Variants in EPHA8 observed in about 807,000 individuals in gnomAD.
The protein encoded by EPHA8 is EPH receptor A8.
EPHA8 carries 58 observed loss-of-function variants against 103.6 expected under a neutral mutation model. The ratio of observed to expected loss-of-function variants is 0.56; its 90% confidence interval spans 0.45 to 0.70. The LOEUF is 0.70. Among genes scored for constraint, EPHA8 ranks in the 30% least tolerant of loss-of-function variants. The pLI is 0.00. For synonymous variants in EPHA8, 559 were observed against 572.5 expected (o/e 0.98, Z 0.34); for missense variants, 1,304 against 1,395.2 (o/e 0.93, Z 1.04).
At chr1:22,572,946 C>G (rs1229262122) in intron 2 of EPHA8, among the ~76,000 whole-genome samples, 1 of 152,210 alleles carries the variant, frequency 6.6e-6, no homozygotes, top group African/African-American at 2.4e-5. Context: ...AGACCATTGG[C>G]CCCGGTGGGG....
chr1:22,570,806 G>T (rs995765953), intron 2 of EPHA8, among the ~76,000 whole-genome samples: 1 of 152,278 alleles, frequency 6.6e-6, no homozygotes, highest in Admixed American at 6.5e-5. Flanking sequence ...GAGCGCGGAC[G>T]CCAGGTTCTT....
intron 13 of EPHA8, among the ~76,000 whole-genome samples, chr1:22,600,140 A>AG (rs369545246): frequency 2.4e-5 from 2 of 82,848 alleles, no homozygotes; most frequent in Admixed American, 1.4e-4. Context: ...AGAAGGAAGG[A>AG]GGAGGGAGGG....
In EPHA8 at chr1:22,602,734, CT is replaced by C. The variant is rs1641774472; in HGVS notation, c.*994del. ...GCCTAGGATCAGGGACCAGAGGATCCTATCTTCTCAGCACCCAGCCCACCCC... is the reference window on the plus strand; with the variant it reads ...GCCTAGGATCAGGGACCAGAGGATCCATCTTCTCAGCACCCAGCCCACCCC... On this transcript the variant is annotated 3_prime_UTR_variant, in exon 17 of 17. Coordinates refer to ENST00000166244, the MANE Select transcript of EPHA8 (RefSeq NM_020526.5). The C allele has an allele frequency of 6.5e-6, 1 of 152,744 alleles. No homozygotes were observed. Among genetic ancestry groups the C allele is most frequent in the Non-Finnish European group, 1.5e-5 (1 of 68,170 alleles). The allele number at this position is 152,744 out of a possible 1,614,324, so 9.5% of individuals were successfully genotyped here.
chr1:22,592,018 A>C (rs1641385772), intron 5 of EPHA8, among the ~76,000 whole-genome samples: 1 of 152,174 alleles, frequency 6.6e-6, no homozygotes, highest in African/African-American at 2.4e-5. Flanking sequence ...TGGGCACTGC[A>C]GAGTTCCCGG....
At chr1:22,591,941 C>T (rs1641383266) in intron 5 of EPHA8, among the ~76,000 whole-genome samples, 1 of 152,182 alleles carries the variant, frequency 6.6e-6, no homozygotes, top group South Asian at 2.1e-4. Context: ...CCAAAAGAAC[C>T]CCCATTCTCC....
rs115328469 is a variant in EPHA8, at chr1:22,581,350, A to G, written c.823+4470A>G. On this transcript the variant is annotated intron_variant, in intron 3 of 16. Transcript: ENST00000166244. Reference sequence around the variant, plus strand: ...GGTGCATACGCACTCAGGGTCGGCCACCGTCCCCAAGTCTGGATTTAGCCA... The same window carrying G: ...GGTGCATACGCACTCAGGGTCGGCCGCCGTCCCCAAGTCTGGATTTAGCCA... Among the ~76,000 whole-genome samples the G allele has an allele frequency of 5.4e-3, 821 of 152,344 alleles. 4 individuals are homozygous for G. The highest frequency in any genetic ancestry group is 0.018 in the African/African-American group (742 of 41,578).
intron 1 of EPHA8, among the ~76,000 whole-genome samples, chr1:22,566,856 A>C (rs1246928963): frequency 6.6e-6 from 1 of 152,086 alleles, no homozygotes; most frequent in Non-Finnish European, 1.5e-5. Flanking sequence ...ATTCAAGGGG[A>C]CATGGATGGG....
At chr1:22,566,533 A>G (rs970552333) in intron 1 of EPHA8, among the ~76,000 whole-genome samples, 5 of 152,182 alleles carry the variant, frequency 3.3e-5, no homozygotes, top group African/African-American at 1.2e-4. Flanking sequence ...AGGGATGCCT[A>G]TGGACATCTT....
At chr1:22,601,179 G>A (rs12126436) in intron 15 of EPHA8, 91 bp downstream of exon 15, 160,449 of 1,530,784 alleles carry the variant, frequency 0.1, 9,407 homozygotes, top group Admixed American at 0.21. Flanking sequence ...CCTGACACTA[G>A]GACCAGGCCC....
intron 13 of EPHA8, among the ~76,000 whole-genome samples, chr1:22,600,135 GA>G (rs1641673370): frequency 9.3e-6 from 1 of 107,078 alleles, no homozygotes; most frequent in Admixed American, 9.0e-5. Context: ...AGGAGAGAAG[GA>G]AGGAGGAGGG....
intron 3 of EPHA8, among the ~76,000 whole-genome samples, chr1:22,579,131 A>G (rs1201467321): frequency 4.1e-5 from 5 of 122,580 alleles, no homozygotes; most frequent in East Asian, 2.3e-4. Flanking sequence ...GTATGTGTGC[A>G]TGTGTGTGTG....
chr1:22,585,012 G>T (rs1641152662), intron 3 of EPHA8, among the ~76,000 whole-genome samples: 1 of 140,974 alleles, frequency 7.1e-6, no homozygotes, highest in South Asian at 2.2e-4. Flanking sequence ...AGCAGGGCGG[G>T]GAATGGTCGT....
At chr1:22,578,345 T>A (rs1010736748) in intron 3 of EPHA8, among the ~76,000 whole-genome samples, 8 of 147,638 alleles carry the variant, frequency 5.4e-5, no homozygotes, top group Non-Finnish European at 9.0e-5. Flanking sequence ...TGTATGCATG[T>A]GTGTATGTGT....
chr1:22,579,072 TGTGCATGTGTAC>T (rs906767410), intron 3 of EPHA8, among the ~76,000 whole-genome samples: 10 of 129,468 alleles, frequency 7.7e-5, no homozygotes, highest in South Asian at 3.2e-4. Context: ...TATGCATGTG[TGTGCATGTGTAC>T]GTGCATGTGT....
rs1480636576 is a variant in EPHA8, at chr1:22,569,574, C to A, written c.159+221C>A. On this transcript the variant is annotated intron_variant, in intron 2 of 16. Coordinates refer to ENST00000166244, the MANE Select transcript of EPHA8 (RefSeq NM_020526.5). The surrounding 1 kb of genome is among the most constrained non-coding windows in gnomAD (Gnocchi z 4.5). ...CAACCCTGGCACCAGATCCCTGATTCTTCAAGTCTGAGGCCCTAGGTCCGG... is the reference window on the plus strand; with the variant it reads ...CAACCCTGGCACCAGATCCCTGATTATTCAAGTCTGAGGCCCTAGGTCCGG... 2.0e-5 allele frequency among the ~76,000 whole-genome samples: 3 copies of A among 152,232 alleles called. No homozygotes were observed. The highest frequency in any genetic ancestry group is 4.8e-5 in the African/African-American group (2 of 41,464).
Position 22,589,485 on chromosome 1 carries a change from A to G in EPHA8, c.1315+279A>G. The G allele has an allele frequency of 6.8e-7, 1 of 1,461,520 alleles. No homozygotes were observed. Among genetic ancestry groups the G allele is most frequent in the Non-Finnish European group, 9.0e-7 (1 of 1,114,516 alleles). The allele number at this position is 1,461,520 out of a possible 1,614,324, so 90.5% of individuals were successfully genotyped here. A position where few individuals can be genotyped will look rare whatever the true frequency, so the allele number is the denominator to read the frequency against. ...CCAGAACTTTCCCTCTCTGTGCCTC[A>G]GTTTCCTCCCTGGTGCAATGGGAAT... is the stretch of plus-strand genomic sequence containing the variant. On this transcript the variant is annotated intron_variant, in intron 5 of 16. Coordinates refer to ENST00000166244, the MANE Select transcript of EPHA8 (RefSeq NM_020526.5). This position sits in a 1 kb window ranked among gnomAD's most constrained non-coding sequence, Gnocchi z 4.3.
intron 3 of EPHA8, among the ~76,000 whole-genome samples, chr1:22,578,891 G>GTC: frequency 6.8e-6 from 1 of 147,466 alleles, no homozygotes; most frequent in Non-Finnish European, 1.5e-5. Context: ...GTCCGTGTGT[G>GTC]CATGTGTGCA....
Position 22,597,806 on chromosome 1 carries a change from C to T in EPHA8, c.2061C>T (p.Ile687=), listed in dbSNP as rs771705867. The T allele has an allele frequency of 1.4e-5, 23 of 1,613,124 alleles. No homozygotes were observed. The highest frequency in any genetic ancestry group is 5.5e-5 in the South Asian group (5 of 91,076). ...QRRDFLSEAS[I]MGQFDHPNII... ...GGGACTTCCTGAGCGAGGCGTCCAT[C>T]ATGGGGCAATTCGACCATCCCAACA... Residue 687 remains isoleucine, a synonymous_variant, in exon 11 of 17, where the codon ATC becomes ATT. Coordinates refer to ENST00000166244, the MANE Select transcript of EPHA8 (RefSeq NM_020526.5). This position sits in a 1 kb window ranked among gnomAD's most constrained non-coding sequence, Gnocchi z 4.6.
Position 22,597,658 on chromosome 1 carries a change from C to T in EPHA8, c.1931-18C>T, listed in dbSNP as rs539580007. ...CCCACTGCCCTCCCTCCACACCTGC[C>T]CCTCTCGGGGCCTGCAGGAGACTCC... On this transcript the variant is annotated intron_variant, in intron 10 of 16. Coordinates refer to ENST00000166244, the MANE Select transcript of EPHA8 (RefSeq NM_020526.5). The surrounding 1 kb of genome is among the most constrained non-coding windows in gnomAD (Gnocchi z 4.6). 2 of 1,590,944 alleles carry T rather than the reference C, an allele frequency of 1.3e-6. No individual in the cohort carries two copies. Among genetic ancestry groups the T allele is most frequent in the South Asian group, 1.1e-5 (1 of 88,038 alleles).
Sources: allele counts gnomAD v4.1 joint callset (sites outside exome capture counted in the v4.1 genomes callset), GRCh38; gene constraint gnomAD v4.1.1; non-coding constraint Gnocchi (gnomAD v3.1); transcripts MANE v1.5; gene names NCBI Gene and HGNC (gene_info 2026-07-23, HGNC 2026-07-21).